Variants in MSI2 observed in about 807,000 individuals in gnomAD.
MSI2 encodes musashi RNA binding protein 2, also known as RNA-binding protein Musashi homolog 2.
A neutral mutation model predicts 45.6 loss-of-function variants in MSI2; 17 were observed. The observed-to-expected ratio is 0.37, with a 90% CI of 0.26 to 0.56. The LOEUF is 0.56. MSI2 is among the 20% of genes least tolerant of loss of function. The pLI, the probability that MSI2 is intolerant of heterozygous loss-of-function variation, is 0.77. For synonymous variants in MSI2, 156 were observed against 158.2 expected (o/e 0.99, Z 0.11); for missense variants, 293 against 444.2 (o/e 0.66, Z 3.06).
intron 6 of MSI2, among the ~76,000 whole-genome samples, chr17:57,423,453 A>G (rs1410304428): frequency 6.6e-6 from 1 of 152,102 alleles, no homozygotes; most frequent in Non-Finnish European, 1.5e-5. Context: ...TAGACATTGG[A>G]TGAGATTTCA....
Position 57,574,622 on chromosome 17 carries a change from G to T in MSI2, c.455-22246G>T, listed in dbSNP as rs8075658. ...CTGGCATGTGTGCCAGGCTGGATGT[G>T]TCATATGGGGCACAGCCTTTAGGCG... On this transcript the variant is annotated intron_variant, in intron 7 of 13. Transcript: ENST00000284073. 6.0e-3 allele frequency among the ~76,000 whole-genome samples: 915 copies of T among 152,276 alleles called. 6 individuals carry two copies. The highest frequency in any genetic ancestry group is 0.021 in the African/African-American group (873 of 41,560).
intron 7 of MSI2, among the ~76,000 whole-genome samples, chr17:57,590,730 G>T (rs542825303): frequency 6.6e-6 from 1 of 152,174 alleles, no homozygotes; most frequent in Non-Finnish European, 1.5e-5. Flanking sequence ...TGCAGTTAAG[G>T]TGGGGGCTTT....
At chr17:57,275,886 A>G (rs983681275) in intron 5 of MSI2, among the ~76,000 whole-genome samples, 1 of 152,206 alleles carries the variant, frequency 6.6e-6, no homozygotes, top group Non-Finnish European at 1.5e-5. Context: ...AACAGCAAGT[A>G]AGTGTTTGAG....
intron 5 of MSI2, among the ~76,000 whole-genome samples, chr17:57,369,970 A>G (rs2083396621): frequency 6.6e-6 from 1 of 152,252 alleles, no homozygotes; most frequent in Non-Finnish European, 1.5e-5. Flanking sequence ...AAGACAGAAT[A>G]AAGGGCACAG....
At chr17:57,441,400 A>G (rs570085821) in intron 6 of MSI2, among the ~76,000 whole-genome samples, 12 of 152,044 alleles carry the variant, frequency 7.9e-5, no homozygotes, top group Non-Finnish European at 1.6e-4. Context: ...CTGTCACCTC[A>G]CCACCCTGCA....
chr17:57,261,822 G>T (rs183316213), intron 4 of MSI2, among the ~76,000 whole-genome samples: 18 of 152,308 alleles, frequency 1.2e-4, no homozygotes, highest in Non-Finnish European at 1.5e-5. Flanking sequence ...TAGCAAATTA[G>T]ATGTAGATAC....
chr17:57,508,962 A>G (rs1338108817), intron 6 of MSI2, among the ~76,000 whole-genome samples: 1 of 152,180 alleles, frequency 6.6e-6, no homozygotes, highest in South Asian at 2.1e-4. Flanking sequence ...TCGATGAAAA[A>G]TGGTTTCTGT....
chr17:57,468,424 G>A (rs984121037), intron 6 of MSI2, among the ~76,000 whole-genome samples: 3 of 151,530 alleles, frequency 2.0e-5, no homozygotes, highest in Non-Finnish European at 4.4e-5. Flanking sequence ...AGGAGGCTGA[G>A]GCCGGAGAAT....
intron 7 of MSI2, among the ~76,000 whole-genome samples, chr17:57,540,513 A>G (rs569100217): frequency 5.9e-5 from 9 of 152,182 alleles, no homozygotes; most frequent in Non-Finnish European, 1.2e-4. Context: ...AATACCTCAG[A>G]ATGTGACCTT....
At chr17:57,456,574 G>A (rs1224829080) in intron 6 of MSI2, among the ~76,000 whole-genome samples, 3 of 151,824 alleles carry the variant, frequency 2.0e-5, no homozygotes, top group Non-Finnish European at 4.4e-5. Context: ...CAGCCTGGGC[G>A]ACAGAGCGAT....
chr17:57,331,971 AT>A (rs1914312233), intron 5 of MSI2, among the ~76,000 whole-genome samples: 1 of 152,116 alleles, frequency 6.6e-6, no homozygotes, highest in Non-Finnish European at 1.5e-5. Context: ...TCACCACCTC[AT>A]TGTGGTCTCT....
chr17:57,627,027 A>G lies in MSI2; in HGVS notation c.653-202A>G. The G allele has an allele frequency of 1.6e-6, 1 of 607,596 alleles. No homozygotes were observed. Among genetic ancestry groups the G allele is most frequent in the Non-Finnish European group, 2.9e-6 (1 of 340,240 alleles). 37.6% of individuals were successfully genotyped at this position (607,596 alleles called of 1,614,324 possible). On this transcript the variant is annotated intron_variant, in intron 9 of 13. Coordinates refer to ENST00000284073, the MANE Select transcript of MSI2 (RefSeq NM_138962.4). This position sits in a 1 kb window ranked among gnomAD's most constrained non-coding sequence, Gnocchi z 4.6. ...GGGTCTGGCTGCCCAAATATGGGTT[A>G]ATTAGCAACAGCTGACAGCAGCGCC...
In MSI2 at chr17:57,326,212, T is replaced by G. The variant is rs551202399; in HGVS notation, c.312+64020T>G. Among the ~76,000 whole-genome samples, 154 of 152,310 alleles carry G rather than the reference T, an allele frequency of 1.0e-3. 1 individual carries two copies. Among genetic ancestry groups the G allele is most frequent in the African/African-American group, 3.6e-3 (151 of 41,546 alleles). On this transcript the variant is annotated intron_variant, in intron 5 of 13. Coordinates refer to ENST00000284073, the MANE Select transcript of MSI2 (RefSeq NM_138962.4). The stretch of plus-strand genomic sequence containing the variant: ...CAAATTTTGAAAGCCAAACTTTTTT[T>G]TTTTGTAATTCATCTGGCTACAAAA...
intron 6 of MSI2, among the ~76,000 whole-genome samples, chr17:57,463,719 T>TCCCC (rs2085275331): frequency 6.9e-6 from 1 of 145,430 alleles, no homozygotes; most frequent in Non-Finnish European, 1.5e-5. Context: ...AGCCCCCTGC[T>TCCCC]CTGCCCCTGG....
chr17:57,584,674 G>A (rs2088296219), intron 7 of MSI2, among the ~76,000 whole-genome samples: 2 of 152,310 alleles, frequency 1.3e-5, no homozygotes, highest in Admixed American at 1.3e-4. Flanking sequence ...GTTGGAGAAA[G>A]GCGAGTGAGC....
intron 10 of MSI2, among the ~76,000 whole-genome samples, chr17:57,647,646 T>TC (rs1400457124): frequency 1.3e-5 from 2 of 151,516 alleles, no homozygotes; most frequent in Non-Finnish European, 2.9e-5. Context: ...ACATTTTTTT[T>TC]CTTTTTTTTT....
At chr17:57,605,111 TAAAC>T (rs1447170400) in intron 8 of MSI2, among the ~76,000 whole-genome samples, 2 of 152,184 alleles carry the variant, frequency 1.3e-5, no homozygotes, top group African/African-American at 4.8e-5. Context: ...AATGCAATAT[TAAAC>T]AAGCAGGATG....
At chr17:57,319,715 C>T (rs559627985) in intron 5 of MSI2, among the ~76,000 whole-genome samples, 23 of 152,258 alleles carry the variant, frequency 1.5e-4, no homozygotes, top group East Asian at 5.8e-4. Flanking sequence ...GGGGCTTGAG[C>T]GATCCTCTCA....
chr17:57,450,689 A>G (rs1320495017), intron 6 of MSI2, among the ~76,000 whole-genome samples: 1 of 150,870 alleles, frequency 6.6e-6, no homozygotes, highest in East Asian at 1.9e-4. Flanking sequence ...AAAAAAAAAA[A>G]AAAAAAAAGG....
Sources: gnomAD v4.1 joint callset for allele counts (sites outside exome capture counted in the v4.1 genomes callset) on GRCh38, gnomAD v4.1.1 for gene constraint, Gnocchi (gnomAD v3.1) non-coding constraint, MANE v1.5 for transcripts, NCBI Gene and HGNC (gene_info 2026-07-23, HGNC 2026-07-21) for gene names.